The following CCDC91 variants were observed in gnomAD, a reference collection of about 807,000 sequenced individuals.
The protein encoded by CCDC91 is coiled-coil domain containing 91, also known as coiled-coil domain-containing protein 91.
Under a neutral mutation model 63.2 loss-of-function variants are expected in CCDC91, and 48 were observed. The ratio of observed to expected loss-of-function variants is 0.76; its 90% CI spans 0.60 to 0.97. The LOEUF is 0.97. Ranked by LOEUF, CCDC91 falls within the 50% of genes least tolerant of loss-of-function variation. The pLI is 0.00. For missense variants in CCDC91, 500 were observed against 494.6 expected (o/e 1.01, Z -0.10); for synonymous variants, 167 against 165.8 (o/e 1.01, Z -0.06).
chr12:28,490,943 T>G (rs1951967942), intron 12 of CCDC91, among the ~76,000 whole-genome samples: 1 of 151,686 alleles, frequency 6.6e-6, no homozygotes, highest in Non-Finnish European at 1.5e-5. Flanking sequence ...CTGTGGTAAT[T>G]GAGATGATGT....
At chr12:28,279,948 T>C (rs1447393950) in intron 3 of CCDC91, among the ~76,000 whole-genome samples, 2 of 152,126 alleles carry the variant, frequency 1.3e-5, no homozygotes, top group Non-Finnish European at 2.9e-5. Context: ...TATGATAACA[T>C]CATATCTACT....
At chr12:28,307,956 T>G (rs1938921586) in intron 6 of CCDC91, among the ~76,000 whole-genome samples, 1 of 152,022 alleles carries the variant, frequency 6.6e-6, no homozygotes, top group South Asian at 2.1e-4. Flanking sequence ...ATTAGTAGTT[T>G]GAGGCCCAAA....
chr12:28,422,780 G>A (rs1240627839), intron 8 of CCDC91, among the ~76,000 whole-genome samples: 6 of 152,086 alleles, frequency 3.9e-5, no homozygotes, highest in Non-Finnish European at 2.9e-5. Flanking sequence ...TTCTTTGAGA[G>A]AGTAGGAAAA....
intron 1 of CCDC91, among the ~76,000 whole-genome samples, chr12:28,194,499 C>T (rs1256311669): frequency 1.3e-5 from 2 of 152,152 alleles, no homozygotes; most frequent in Non-Finnish European, 2.9e-5. Context: ...GGTCCATGGT[C>T]TTGCCGACTT....
At chr12:28,267,721 ATAT>A (rs1947303879) in intron 3 of CCDC91, among the ~76,000 whole-genome samples, 1 of 71,330 alleles carries the variant, frequency 1.4e-5, no homozygotes, top group African/African-American at 4.9e-5. Context: ...ATAATTATAT[ATAT>A]TATTTATTAT....
chr12:28,259,821 G>A lies in CCDC91; in HGVS notation c.109+379G>A, dbSNP rs1946712081. 1.3e-5 allele frequency among the ~76,000 whole-genome samples: 2 copies of A among 151,670 alleles called. 1 individual carries two copies. Among genetic ancestry groups the A allele is most frequent in the South Asian group, 4.1e-4 (2 of 4,828 alleles). The stretch of plus-strand genomic sequence containing the variant: ...ATCATCTCCAACATATTTAAATTTA[G>A]AAGTGTGTTTGCAATAAAATTACTT... On this transcript the variant is annotated intron_variant, in intron 3 of 12. Coordinates refer to ENST00000536442, the MANE Select transcript of CCDC91 (RefSeq NM_018318.5).
At chr12:28,360,199 A>G (rs1344485318) in intron 6 of CCDC91, among the ~76,000 whole-genome samples, 1 of 152,228 alleles carries the variant, frequency 6.6e-6, no homozygotes, top group Non-Finnish European at 1.5e-5. Flanking sequence ...GTAATATGAC[A>G]AGATAAAGGG....
At chr12:28,461,227 C>T (rs1028814426) in intron 11 of CCDC91, among the ~76,000 whole-genome samples, 17 of 152,024 alleles carry the variant, frequency 1.1e-4, no homozygotes, top group Admixed American at 3.9e-4. Context: ...CAAACTGAAA[C>T]TATGAAATCA....
chr12:28,330,004 C>CATT (rs1393905258), intron 6 of CCDC91, among the ~76,000 whole-genome samples: 1 of 152,088 alleles, frequency 6.6e-6, no homozygotes, highest in African/African-American at 2.4e-5. Context: ...TTTTCTTAAT[C>CATT]CAGTGTGTCT....
chr12:28,469,847 C>T (rs1440842287), intron 11 of CCDC91, among the ~76,000 whole-genome samples: 1 of 152,108 alleles, frequency 6.6e-6, no homozygotes, highest in Non-Finnish European at 1.5e-5. Flanking sequence ...AAAAGACAGT[C>T]TCTTCAGTAA....
At chr12:28,414,437 A>G (rs11049577) in intron 8 of CCDC91, among the ~76,000 whole-genome samples, 31,200 of 152,134 alleles carry the variant, frequency 0.21, 4,197 homozygotes, top group Non-Finnish European at 0.3. Context: ...ATATATGAGA[A>G]TATTCAAAAA....
At chr12:28,534,853 T>C (rs1229462199) in intron 12 of CCDC91, among the ~76,000 whole-genome samples, 1 of 152,186 alleles carries the variant, frequency 6.6e-6, no homozygotes, top group Non-Finnish European at 1.5e-5. Flanking sequence ...TTTCCCTCAT[T>C]TCTCTATCAT....
At chr12:28,540,247 A>C (rs552840206) in intron 12 of CCDC91, among the ~76,000 whole-genome samples, 1 of 152,148 alleles carries the variant, frequency 6.6e-6, no homozygotes, top group Non-Finnish European at 1.5e-5. Context: ...CTTTAAGGCA[A>C]GGATTTTTTA....
chr12:28,301,443 A>C lies in CCDC91; in HGVS notation c.110-4206A>C, dbSNP rs1298115789. On this transcript the variant is annotated intron_variant, in intron 3 of 12. Coordinates refer to ENST00000536442, the MANE Select transcript of CCDC91 (RefSeq NM_018318.5). ...TTGGTTCATTACATATCATTTTAAT[A>C]TGGTGCTGGATTCATTTTTTTAATA... Among the ~76,000 whole-genome samples, 125 of 151,662 alleles carry C rather than the reference A, an allele frequency of 8.2e-4. 2 individuals are homozygous for C. The highest frequency in any genetic ancestry group is 2.8e-3 in the African/African-American group (117 of 41,504).
intron 7 of CCDC91, among the ~76,000 whole-genome samples, chr12:28,380,779 T>C (rs1945252367): frequency 6.6e-6 from 1 of 152,144 alleles, no homozygotes; most frequent in Non-Finnish European, 1.5e-5. Context: ...TAATGTCAAT[T>C]ATTTAGTTTT....
chr12:28,429,948 T>G (rs1948540876), intron 8 of CCDC91, among the ~76,000 whole-genome samples: 1 of 152,098 alleles, frequency 6.6e-6, no homozygotes, highest in African/African-American at 2.4e-5. Context: ...TATTTTGACC[T>G]TTTGTGATTT....
intron 1 of CCDC91, among the ~76,000 whole-genome samples, chr12:28,206,543 C>T (rs533800944): frequency 2.0e-4 from 31 of 152,210 alleles, no homozygotes; most frequent in African/African-American, 7.0e-4. Context: ...TACCTAGGGT[C>T]CCCATAAACC....
intron 7 of CCDC91, among the ~76,000 whole-genome samples, chr12:28,373,261 G>A: frequency 6.6e-6 from 1 of 151,932 alleles, no homozygotes; most frequent in Non-Finnish European, 1.5e-5. Flanking sequence ...TTTTCAAATT[G>A]TCTGTTTTTC....
chr12:28,365,606 T>C (rs542428430), intron 7 of CCDC91, among the ~76,000 whole-genome samples: 2 of 152,368 alleles, frequency 1.3e-5, no homozygotes, highest in East Asian at 3.9e-4. Context: ...TATTCATTTC[T>C]TAATTCAACA....
Sources: allele counts gnomAD v4.1 joint callset (sites outside exome capture counted in the v4.1 genomes callset), GRCh38; gene constraint gnomAD v4.1.1; transcripts MANE v1.5; gene names NCBI Gene and HGNC (gene_info 2026-07-23, HGNC 2026-07-21).